The following PALM2AKAP2 variants were observed in gnomAD, a reference collection of about 807,000 sequenced individuals.
PALM2AKAP2 encodes PALM2-AKAP2 fusion protein.
Under a neutral mutation model 71.5 loss-of-function variants are expected in PALM2AKAP2, and 37 were observed. The observed-to-expected ratio is 0.52, with a 90% CI of 0.40 to 0.68. The LOEUF (loss-of-function observed/expected upper bound fraction) is 0.68. PALM2AKAP2 is among the 30% of genes least tolerant of loss of function. The probability of loss-of-function intolerance (pLI) is 0.00; values close to 1 mark genes in which losing one functional copy is unlikely to be tolerated. For synonymous variants in PALM2AKAP2, 468 were observed against 478.8 expected (o/e 0.98, Z 0.29); for missense variants, 1,224 against 1,191.8 (o/e 1.03, Z -0.40).
At chr9:109,753,367 G>A (rs1182254855) in intron 1 of PALM2AKAP2, among the ~76,000 whole-genome samples, 1 of 151,986 alleles carries the variant, frequency 6.6e-6, no homozygotes, top group African/African-American at 2.4e-5. Context: ...TGGGGGACGG[G>A]GAAAAAGAGG....
chr9:109,965,819 T>C (rs969333892), intron 6 of PALM2AKAP2, among the ~76,000 whole-genome samples: 2 of 152,152 alleles, frequency 1.3e-5, no homozygotes, highest in African/African-American at 4.8e-5. Flanking sequence ...TAAAAAGAGA[T>C]ATTAAGATGT....
chr9:110,164,108 G>C (rs529836903), intron 3 of PALM2AKAP2, among the ~76,000 whole-genome samples: 24 of 152,212 alleles, frequency 1.6e-4, no homozygotes, highest in African/African-American at 5.8e-4. Context: ...ATATCATTCT[G>C]TACCTTCTTT....
intron 1 of PALM2AKAP2, among the ~76,000 whole-genome samples, chr9:109,861,216 G>A (rs1388104110): frequency 2.0e-5 from 3 of 152,190 alleles, no homozygotes; most frequent in African/African-American, 7.2e-5. Context: ...ACTCAGTTGG[G>A]ACACCCACCT....
intron 6 of PALM2AKAP2, among the ~76,000 whole-genome samples, chr9:109,998,784 G>GAAAAAAAAAT (rs1564252217): frequency 1.5e-5 from 2 of 130,174 alleles, no homozygotes; most frequent in African/African-American, 5.9e-5. Context: ...AAAAAAAAAG[G>GAAAAAAAAAT]GGGGATAGTC....
exon 2 of PALM2AKAP2, chr9:110,137,542 A>G: frequency 6.2e-7 from 1 of 1,614,188 alleles, no homozygotes; most frequent in East Asian, 2.2e-5. Context: ...CTGAGGATGG[A>G]GAATTTACGA....
chr9:109,711,974 C>T (rs1331913710), intron 1 of PALM2AKAP2, among the ~76,000 whole-genome samples: 3 of 149,076 alleles, frequency 2.0e-5, no homozygotes, highest in South Asian at 2.1e-4. Context: ...GTGGCATGTG[C>T]CTGTCCTTGT....
intron 1 of PALM2AKAP2, among the ~76,000 whole-genome samples, chr9:109,698,616 A>T (rs1368149269): frequency 6.6e-6 from 1 of 151,986 alleles, no homozygotes; most frequent in Non-Finnish European, 1.5e-5. Flanking sequence ...ACACATCCAA[A>T]ATGCTTTACC....
In PALM2AKAP2 at chr9:109,887,658, G is replaced by A. The variant is rs149594205; in HGVS notation, c.257+6977G>A. Among the ~76,000 whole-genome samples, 3 of 147,874 alleles carry A rather than the reference G, an allele frequency of 2.0e-5. No homozygotes were observed. In the Admixed American group the frequency reaches 2.1e-4, roughly 10 times the overall value. On this transcript the variant is annotated intron_variant, in intron 3 of 9. Coordinates refer to the PALM2AKAP2 transcript ENST00000302798. Reference sequence around the variant, plus strand: ...TGATGATGATGATGAAGAGAGAAGAGAAGCACAGGAGGTGAAGTAACTTGC... The same window carrying A: ...TGATGATGATGATGAAGAGAGAAGAAAAGCACAGGAGGTGAAGTAACTTGC...
At chr9:109,714,065 A>G (rs1212562428) in intron 1 of PALM2AKAP2, among the ~76,000 whole-genome samples, 1 of 152,214 alleles carries the variant, frequency 6.6e-6, no homozygotes, top group Non-Finnish European at 1.5e-5. Flanking sequence ...AAAAAAATTA[A>G]TTAGCTAGAC....
At chr9:109,769,629 G>C (rs1829224737) in intron 1 of PALM2AKAP2, among the ~76,000 whole-genome samples, 1 of 152,170 alleles carries the variant, frequency 6.6e-6, no homozygotes, top group South Asian at 2.1e-4. Context: ...AGCCAGGCAG[G>C]CTTTTGGAAA....
At chr9:110,143,505 C>T (rs1185234309) in intron 2 of PALM2AKAP2, among the ~76,000 whole-genome samples, 1 of 151,422 alleles carries the variant, frequency 6.6e-6, no homozygotes, top group Admixed American at 6.6e-5. Context: ...TCACACAGTG[C>T]TGTAAAACAC....
At chr9:110,022,976 C>T (rs1047393919) in intron 7 of PALM2AKAP2, among the ~76,000 whole-genome samples, 3 of 152,162 alleles carry the variant, frequency 2.0e-5, no homozygotes, top group Non-Finnish European at 4.4e-5. Flanking sequence ...TCCAGCCTAT[C>T]GTTGTTGGAC....
intron 6 of PALM2AKAP2, among the ~76,000 whole-genome samples, chr9:109,959,088 C>T (rs139223303): frequency 1.3e-5 from 2 of 152,308 alleles, no homozygotes; most frequent in South Asian, 4.1e-4. Flanking sequence ...CGTGCCACTG[C>T]TCCCCTATTC....
chr9:110,097,225 C>T (rs370233797), intron 1 of PALM2AKAP2, among the ~76,000 whole-genome samples: 1 of 150,242 alleles, frequency 6.7e-6, no homozygotes, highest in Admixed American at 6.6e-5. Flanking sequence ...TCCATTTAAC[C>T]CTGAGTGGAC....
At chr9:110,163,015 A>G (rs939997514) in intron 3 of PALM2AKAP2, among the ~76,000 whole-genome samples, 22 of 152,140 alleles carry the variant, frequency 1.4e-4, no homozygotes, top group African/African-American at 5.3e-4. Flanking sequence ...CTCGGTCCCC[A>G]AAAGTCTTCT....
At chr9:110,094,412 A>G (rs180770110) in intron 1 of PALM2AKAP2, among the ~76,000 whole-genome samples, 25 of 152,324 alleles carry the variant, frequency 1.6e-4, no homozygotes, top group African/African-American at 5.8e-4. Context: ...GCTATGAAGA[A>G]ATACCTGAAA....
At chr9:110,015,445 C>G (rs188103946) in intron 6 of PALM2AKAP2, among the ~76,000 whole-genome samples, 2 of 152,114 alleles carry the variant, frequency 1.3e-5, no homozygotes, top group African/African-American at 2.4e-5. Context: ...ACTAAAAATA[C>G]AAAAATTAGT....
At chr9:109,647,114 C>CTT (rs1443903975) in intron 1 of PALM2AKAP2, among the ~76,000 whole-genome samples, 3 of 147,746 alleles carry the variant, frequency 2.0e-5, no homozygotes, top group African/African-American at 7.4e-5. Context: ...GTTGGAAACA[C>CTT]TTATATATAT....
intron 1 of PALM2AKAP2, among the ~76,000 whole-genome samples, chr9:109,721,332 T>C (rs1208369463): frequency 6.6e-6 from 1 of 152,086 alleles, no homozygotes; most frequent in Non-Finnish European, 1.5e-5. Flanking sequence ...GCAGCAAAGG[T>C]CATGGTTCAA....
Sources: gnomAD v4.1 joint callset for allele counts (sites outside exome capture counted in the v4.1 genomes callset) on GRCh38, gnomAD v4.1.1 for gene constraint, MANE v1.5 for transcripts, NCBI Gene and HGNC (gene_info 2026-07-23, HGNC 2026-07-21) for gene names.